Variants in AKAP9 observed in about 807,000 individuals in gnomAD.
AKAP9 encodes A-kinase anchoring protein 9, also known as A-kinase anchor protein 9.
AKAP9 carries 311 observed loss-of-function variants against 488.5 expected under a neutral mutation model. The observed-to-expected ratio is 0.64, with a 90% CI of 0.58 to 0.70. The LOEUF (loss-of-function observed/expected upper bound fraction) is 0.70, where lower values mean the gene tolerates loss of function less well. AKAP9 is among the 30% of genes least tolerant of loss of function. The pLI, the probability that AKAP9 is intolerant of heterozygous loss-of-function variation, is 0.00. For synonymous variants in AKAP9, 1,462 were observed against 1,483.5 expected, an observed-to-expected ratio of 0.99 and a Z score of 0.33; for missense variants, 4,215 against 4,374.5, an observed-to-expected ratio of 0.96 and a Z score of 1.03.
At chr7:91,948,497 C>G (rs1166244097) in intron 1 of AKAP9, among the ~76,000 whole-genome samples, 1 of 150,838 alleles carries the variant, frequency 6.6e-6, no homozygotes, top group Admixed American at 6.6e-5. Flanking sequence ...AATACTCATC[C>G]TTGTGGGTAT....
At chr7:91,955,915 G>A (rs1792933997) in intron 1 of AKAP9, among the ~76,000 whole-genome samples, 1 of 152,126 alleles carries the variant, frequency 6.6e-6, no homozygotes, top group African/African-American at 2.4e-5. Context: ...TTACAGGTGT[G>A]AGCCACTGCA....
intron 1 of AKAP9, among the ~76,000 whole-genome samples, chr7:91,945,377 G>T (rs1415191113): frequency 6.6e-6 from 1 of 152,150 alleles, no homozygotes. Flanking sequence ...AGGCGTGGTG[G>T]CAGGTACTAA....
chr7:91,978,844 C>T (rs952175690), intron 2 of AKAP9, among the ~76,000 whole-genome samples: 2 of 151,788 alleles, frequency 1.3e-5, no homozygotes, highest in African/African-American at 4.8e-5. Context: ...ACAAGCTCTC[C>T]CTTCCAGGCC....
intron 1 of AKAP9, among the ~76,000 whole-genome samples, chr7:91,964,271 G>A (rs1794139143): frequency 6.6e-6 from 1 of 152,104 alleles, no homozygotes; most frequent in Admixed American, 6.5e-5. Context: ...GTTAAAAGAA[G>A]TGTACATTAT....
chr7:92,035,941 G>A (rs942644127), intron 16 of AKAP9, among the ~76,000 whole-genome samples: 1 of 150,830 alleles, frequency 6.6e-6, no homozygotes, highest in Non-Finnish European at 1.5e-5. Flanking sequence ...GGATGTTTAC[G>A]CTCTAATCCT....
At chr7:92,063,380 C>A in intron 24 of AKAP9, 1 of 758,036 alleles carries the variant, frequency 1.3e-6, no homozygotes, top group Non-Finnish European at 1.6e-6. Flanking sequence ...TGTGCATGTG[C>A]ATTATCCCAT....
At chr7:91,980,419 T>C (rs974378091) in intron 3 of AKAP9, 86 bp downstream of exon 3, 3 of 587,618 alleles carry the variant, frequency 5.1e-6, no homozygotes, top group Non-Finnish European at 8.3e-6. Context: ...ACTTGATTTC[T>C]TGTCACTCAT....
At position 92,079,700 on chromosome 7, in the gene AKAP9, A is replaced by G. The variant is rs1276558790; in HGVS notation, c.7567A>G (p.Lys2523Glu). The G allele has an allele frequency of 1.2e-6, 2 of 1,614,132 alleles. No homozygotes were observed. The highest frequency in any genetic ancestry group is 1.7e-5 in the Admixed American group (1 of 60,024). ...LELTQCYKQI[K>E]DMQEQGQFET... is the part of the protein sequence containing the mutation. ...ACTTACCCAGTGTTATAAACAAATA[A>G]AAGACATGCAAGAACAAGGCCAGTT... is the stretch of plus-strand genomic sequence containing the variant. The change falls in exon 31 of 50, where the codon AAA (lysine) becomes GAA (glutamate). Residue 2523 changes from lysine to glutamate, a missense_variant. Physicochemically the swap from Lys to Glu is moderately conservative, Grantham distance 56. This residue lies in a region of AKAP9 where 1,476 missense variants were observed against 1,477.4 expected (regional missense o/e 1.00). Transcript: ENST00000356239.
At chr7:91,963,210 C>T (rs937832384) in intron 1 of AKAP9, among the ~76,000 whole-genome samples, 7 of 152,074 alleles carry the variant, frequency 4.6e-5, no homozygotes, top group African/African-American at 1.7e-4. Flanking sequence ...AGTTTAAGTG[C>T]ATTCCAGTTT....
At chr7:92,102,531 C>T in intron 45 of AKAP9, 63 bp from the exon 46 acceptor site, 1 of 1,389,230 alleles carries the variant, frequency 7.2e-7, no homozygotes, top group Non-Finnish European at 1.0e-6. Flanking sequence ...AGGTTATTTT[C>T]CCCTAGAGAG....
chr7:92,076,986 A>G lies in AKAP9; in HGVS notation c.6744A>G (p.Glu2248=). The G allele has an allele frequency of 6.4e-7, 1 of 1,574,320 alleles. No individual in the cohort carries two copies. Among genetic ancestry groups the G allele is most frequent in the Non-Finnish European group, 8.6e-7 (1 of 1,156,338 alleles). The change falls in exon 29 of 50, where the codon GAA becomes GAG. Residue 2248 remains glutamate (E), a synonymous_variant. Transcript: ENST00000356239. ...CTACTACCCGCCTACAAGAACTTGA[A>G]CAGGAAAACAAATTATTTAAGGTAA... is the stretch of plus-strand genomic sequence containing the variant. ...KESTTRLQEL[E]QENKLFKDDM... is the part of the protein sequence containing the mutation.
intron 18 of AKAP9, 87 bp from the exon 19 acceptor site, chr7:92,041,959 C>T (rs1055195792): frequency 6.2e-6 from 9 of 1,450,428 alleles, no homozygotes; most frequent in Non-Finnish European, 8.5e-6. Flanking sequence ...CCTGTTGGTC[C>T]CGGGGGTTAA....
chr7:91,942,968 G>T (rs1790976159), intron 1 of AKAP9, among the ~76,000 whole-genome samples: 3 of 151,904 alleles, frequency 2.0e-5, no homozygotes, highest in Non-Finnish European at 2.9e-5. Context: ...GGGGCGAGAG[G>T]ATTGCTTGAC....
At chr7:91,957,610 T>G (rs1422329235) in intron 1 of AKAP9, among the ~76,000 whole-genome samples, 1 of 152,194 alleles carries the variant, frequency 6.6e-6, no homozygotes, top group Non-Finnish European at 1.5e-5. Flanking sequence ...TTAGTAGCTT[T>G]GGATAGCTAT....
intron 23 of AKAP9, 102 bp from the exon 24 acceptor site, chr7:92,062,172 G>A: frequency 9.6e-7 from 1 of 1,046,328 alleles, no homozygotes; most frequent in Non-Finnish European, 1.4e-6. Context: ...TGGAATGATG[G>A]AAAGTTTTGC....
intron 21 of AKAP9, among the ~76,000 whole-genome samples, chr7:92,047,805 T>G (rs982213680): frequency 6.6e-6 from 1 of 152,204 alleles, no homozygotes; most frequent in African/African-American, 2.4e-5. Context: ...AGAAATATAG[T>G]GTATAGAATA....
rs1812869573 is a variant in AKAP9 at position 92,077,878 on chromosome 7, A to G, written c.6945+3A>G. On this transcript the variant is annotated splice_donor_region_variant and intron_variant, in intron 30 of 49. Transcript: ENST00000356239. ...TTAAAATTACAACAGATAACAAGGT[A>G]TACTCATTTAAAATTGATTATGAAA... The G allele has an allele frequency of 1.2e-6, 2 of 1,605,564 alleles. No individual in the cohort carries two copies. The highest frequency in any genetic ancestry group is 1.3e-5 in the African/African-American group (1 of 74,706).
chr7:92,074,452 G>T (rs1349839442), intron 28 of AKAP9, among the ~76,000 whole-genome samples: 1 of 152,152 alleles, frequency 6.6e-6, no homozygotes, highest in African/African-American at 2.4e-5. Context: ...AAGACAGTGT[G>T]GCGATTCCTC....
At chr7:92,022,780 A>C (rs1386849482) in intron 13 of AKAP9, 34 bp from the exon 14 acceptor site, 2 of 1,371,174 alleles carry the variant, frequency 1.5e-6, no homozygotes, top group Non-Finnish European at 2.1e-6. Context: ...ACTTATATTG[A>C]AATGTGCATT....
Sources: gnomAD v4.1 joint callset for allele counts (sites outside exome capture counted in the v4.1 genomes callset) on GRCh38, gnomAD v4.1.1 for gene constraint, gnomAD v4.1.1 regional missense constraint, MANE v1.5 for transcripts, NCBI Gene and HGNC (gene_info 2026-07-23, HGNC 2026-07-21) for gene names.